CPEB1: variants seen among roughly 807,000 people sequenced by gnomAD.
The protein encoded by CPEB1 is cytoplasmic polyadenylation element-binding protein 1.
CPEB1 carries 7 observed loss-of-function variants against 65.8 expected under a neutral mutation model. The ratio of observed to expected loss-of-function variants is 0.11; its 90% CI spans 0.06 to 0.20. The LOEUF (loss-of-function observed/expected upper bound fraction) is 0.20. Ranked by LOEUF, CPEB1 falls within the 10% of genes least tolerant of loss-of-function variation. CPEB1 has a pLI of 1.00. For missense variants in CPEB1, 551 were observed against 712.2 expected (o/e 0.77, Z 2.58); for synonymous variants, 262 against 260.0 (o/e 1.01, Z -0.08).
chr15:82,617,666 A>G (rs547302889), intron 3 of CPEB1, among the ~76,000 whole-genome samples: 1 of 151,636 alleles, frequency 6.6e-6, no homozygotes, highest in Non-Finnish European at 1.5e-5. Flanking sequence ...CAGGATATAC[A>G]GGAATTCTCT....
At chr15:82,621,349 C>A (rs2045281840) in intron 3 of CPEB1, among the ~76,000 whole-genome samples, 1 of 150,318 alleles carries the variant, frequency 6.7e-6, no homozygotes, top group African/African-American at 2.5e-5. Context: ...AGGCCAGGTG[C>A]AGTGGCTCAC....
chr15:82,627,756 G>C (rs757029656), intron 2 of CPEB1, among the ~76,000 whole-genome samples: 2 of 152,194 alleles, frequency 1.3e-5, no homozygotes, highest in Non-Finnish European at 2.9e-5. Context: ...CAGTCTTTTG[G>C]TTGTACAACA....
intron 3 of CPEB1, among the ~76,000 whole-genome samples, chr15:82,611,995 G>C (rs1281805214): frequency 2.6e-5 from 4 of 151,830 alleles, no homozygotes; most frequent in Non-Finnish European, 5.9e-5. Flanking sequence ...CAGATCATGA[G>C]GTCAGGAGAT....
chr15:82,564,810 G>C (rs1438525893), intron 4 of CPEB1, among the ~76,000 whole-genome samples: 1 of 152,102 alleles, frequency 6.6e-6, no homozygotes, highest in East Asian at 1.9e-4. Context: ...AAATCACTCT[G>C]TCCTAATCAA....
chr15:82,579,089 C>T (rs569552661), intron 3 of CPEB1, among the ~76,000 whole-genome samples: 1 of 152,286 alleles, frequency 6.6e-6, no homozygotes, highest in East Asian at 1.9e-4. Context: ...TCCCAAAGTG[C>T]TAGGATCACA....
chr15:82,629,556 G>A, intron 1 of CPEB1: 1 of 985,358 alleles, frequency 1.0e-6, no homozygotes, highest in Non-Finnish European at 1.2e-6. Context: ...AAGCAGAAAT[G>A]TAGGTACCAT....
At chr15:82,557,686 T>C (rs1007501524) in intron 5 of CPEB1, 74 bp downstream of exon 5, 2 of 1,285,340 alleles carry the variant, frequency 1.6e-6, no homozygotes, top group Admixed American at 1.8e-5. Flanking sequence ...CCCATAGATA[T>C]TGTACCCTCC....
intron 3 of CPEB1, among the ~76,000 whole-genome samples, chr15:82,577,910 G>A (rs1303043461): frequency 6.6e-6 from 1 of 152,088 alleles, no homozygotes; most frequent in Non-Finnish European, 1.5e-5. Flanking sequence ...GGAGGCCGAG[G>A]CAGGTGGATC....
At chr15:82,622,546 C>T (rs2045394416) in intron 3 of CPEB1, among the ~76,000 whole-genome samples, 1 of 152,108 alleles carries the variant, frequency 6.6e-6, no homozygotes, top group African/African-American at 2.4e-5. Flanking sequence ...CACGCACCAT[C>T]ATGCCCGGTT....
At chr15:82,592,829 T>C (rs1172092825) in intron 3 of CPEB1, among the ~76,000 whole-genome samples, 1 of 151,948 alleles carries the variant, frequency 6.6e-6, no homozygotes, top group Non-Finnish European at 1.5e-5. Flanking sequence ...ACCCTGTCTC[T>C]ACTAAAAATA....
At chr15:82,607,710 T>C (rs996267775) in intron 3 of CPEB1, among the ~76,000 whole-genome samples, 2 of 152,002 alleles carry the variant, frequency 1.3e-5, no homozygotes, top group African/African-American at 4.8e-5. Flanking sequence ...AAAACAGACA[T>C]TAAGACAAAA....
chr15:82,609,259 G>A (rs1440995753), intron 3 of CPEB1, among the ~76,000 whole-genome samples: 1 of 152,156 alleles, frequency 6.6e-6, no homozygotes, highest in Non-Finnish European at 1.5e-5. Context: ...CAGAACTTTA[G>A]GAGGCTGAGG....
At position 82,555,936 on chromosome 15, in the gene CPEB1, G is replaced by A; in HGVS notation, c.874C>T (p.Leu292Phe). Residue 292 changes from leucine (L) to phenylalanine (F), a missense_variant, in exon 6 of 13, where the codon CTC (leucine) becomes TTC (phenylalanine). Leu to Phe is a conservative substitution (Grantham distance 22, BLOSUM62 0). Around this residue, in one of 6 missense-constraint regions of CPEB1, gnomAD observed 128 missense variants for 129.1 expected, o/e 0.99. Transcript: ENST00000684509. Reference sequence around the variant, plus strand: ...AAGGGGTCTTTGGGAGCTTCGAGGAGGTCCCAGGATGGCCACACAGAAGCT... The same window carrying A: ...AAGGGGTCTTTGGGAGCTTCGAGGAAGTCCCAGGATGGCCACACAGAAGCT... ...PGASVWPSWD[L>F]LEAPKDPFSI... 6.2e-7 allele frequency: 1 copy of A among 1,613,606 alleles called. No individual in the cohort carries two copies. The highest frequency in any genetic ancestry group is 1.3e-5 in the African/African-American group (1 of 75,002).
At chr15:82,596,697 C>CAAAAAAAAAAAAAA in intron 3 of CPEB1, among the ~76,000 whole-genome samples, 1 of 89,118 alleles carries the variant, frequency 1.1e-5, no homozygotes, top group Non-Finnish European at 2.3e-5. Context: ...GACTCTGTCT[C>CAAAAAAAAAAAAAA]AAAAAAAAAA....
At chr15:82,585,049 C>A (rs190568489) in intron 3 of CPEB1, among the ~76,000 whole-genome samples, 6 of 151,732 alleles carry the variant, frequency 4.0e-5, no homozygotes, top group Non-Finnish European at 5.9e-5. Flanking sequence ...AATTTGACAT[C>A]AGGAGTTCAA....
intron 3 of CPEB1, among the ~76,000 whole-genome samples, chr15:82,626,737 A>G (rs925075053): frequency 3.9e-5 from 6 of 152,308 alleles, no homozygotes; most frequent in African/African-American, 1.4e-4. Context: ...CCATGTTGAG[A>G]TATGCTTGTA....
chr15:82,620,515 G>C (rs1159342106), intron 3 of CPEB1, among the ~76,000 whole-genome samples: 4 of 152,052 alleles, frequency 2.6e-5, no homozygotes, highest in Non-Finnish European at 4.4e-5. Context: ...AAGTCAGCAT[G>C]AACTGGGTGT....
intron 1 of CPEB1, among the ~76,000 whole-genome samples, chr15:82,643,542 T>C (rs898363716): frequency 2.0e-5 from 3 of 152,118 alleles, no homozygotes; most frequent in African/African-American, 4.8e-5. Flanking sequence ...GGCAGAAGAA[T>C]TGCTTGAACC....
chr15:82,595,967 G>C (rs1003527663), intron 3 of CPEB1, among the ~76,000 whole-genome samples: 3 of 152,134 alleles, frequency 2.0e-5, no homozygotes, highest in East Asian at 1.9e-4. Context: ...AAACTAGAGG[G>C]GGCCGAGGGA....
Sources: allele counts gnomAD v4.1 joint callset (sites outside exome capture counted in the v4.1 genomes callset), GRCh38; gene constraint gnomAD v4.1.1; regional missense constraint gnomAD v4.1.1; transcripts MANE v1.5; gene names NCBI Gene and HGNC (gene_info 2026-07-23, HGNC 2026-07-21).